Variants in SBNO1 observed in about 807,000 individuals in gnomAD.
The protein encoded by SBNO1 is protein strawberry notch homolog 1.
In SBNO1, 23 loss-of-function variants were observed where a neutral mutation model predicts 173.6. The ratio of observed to expected loss-of-function variants is 0.13; its 90% CI spans 0.10 to 0.19. The LOEUF (loss-of-function observed/expected upper bound fraction) is 0.19, where lower values mean the gene tolerates loss of function less well. Among genes scored for constraint, SBNO1 ranks in the 10% least tolerant of loss-of-function variants. The pLI, the probability that SBNO1 is intolerant of heterozygous loss-of-function variation, is 1.00. For missense variants in SBNO1, 1,238 were observed against 1,671.2 expected (o/e 0.74, Z 4.52); for synonymous variants, 632 against 571.5 (o/e 1.11, Z -1.51).
Position 123,364,813 on chromosome 12 carries a change from T to C in SBNO1, c.-113A>G, listed in dbSNP as rs1304781710. 2.0e-6 allele frequency: 2 copies of C among 978,150 alleles called. No individual in the cohort carries two copies. The highest frequency in any genetic ancestry group is 2.4e-6 in the Non-Finnish European group (2 of 823,338). The allele number at this position is 978,150 out of a possible 1,614,324, so 60.6% of individuals were successfully genotyped here. A position where few individuals can be genotyped will look rare whatever the true frequency, so the allele number is the denominator to read the frequency against. On this transcript the variant is annotated 5_prime_UTR_variant, in exon 1 of 32. Transcript: ENST00000602398. The stretch of plus-strand genomic sequence containing the variant: ...GGCGGCGGCAGCAGCGGCGTCCTGC[T>C]CTGCCTACCTCCCCGCCGCCATCTT...
intron 15 of SBNO1, among the ~76,000 whole-genome samples, chr12:123,324,309 A>C (rs1870345298): frequency 7.0e-6 from 1 of 143,884 alleles, no homozygotes; most frequent in Non-Finnish European, 1.5e-5. Context: ...TAGCAGGTGT[A>C]TGTCTTGCTT....
intron 30 of SBNO1, among the ~76,000 whole-genome samples, chr12:123,300,326 G>A (rs1265920932): frequency 6.6e-6 from 1 of 152,120 alleles, no homozygotes; most frequent in Non-Finnish European, 1.5e-5. Context: ...CTCCCAAAGT[G>A]CTAGGAGCCA....
At position 123,302,900 on chromosome 12, in the gene SBNO1, C is replaced by T; in HGVS notation, c.3769G>A (p.Val1257Ile). The T allele has an allele frequency of 1.2e-6, 2 of 1,610,142 alleles. No individual in the cohort carries two copies. The highest frequency in any genetic ancestry group is 1.7e-5 in the Admixed American group (1 of 59,922). Residue 1257 changes from valine to isoleucine, a missense_variant and splice_region_variant, in exon 30 of 32, where the codon GTC becomes ATC. By Grantham distance (29) the Val-to-Ile change is conservative. Transcript: ENST00000602398. ...TGCATCAGGGCATCATCTGAGACGA[C>T]CTGTAAAAATGAGAAGAATTTCATT... ...YADLKKKYKK[V>I]VSDDALMHWL...
At chr12:123,304,127 C>T (rs1211077537) in intron 29 of SBNO1, among the ~76,000 whole-genome samples, 2 of 151,968 alleles carry the variant, frequency 1.3e-5, no homozygotes, top group Admixed American at 6.6e-5. Context: ...GATGAGGTTT[C>T]GCCATATGGG....
At chr12:123,359,079 C>A (rs923354276) in intron 1 of SBNO1, among the ~76,000 whole-genome samples, 3 of 151,564 alleles carry the variant, frequency 2.0e-5, no homozygotes, top group Admixed American at 2.0e-4. Context: ...ATTATAGGCG[C>A]CCACCACCAT....
intron 1 of SBNO1, among the ~76,000 whole-genome samples, chr12:123,357,547 C>T (rs577000777): frequency 6.6e-6 from 1 of 151,842 alleles, no homozygotes; most frequent in South Asian, 2.1e-4. Flanking sequence ...TTGAGACCAT[C>T]CTGGCCAACA....
intron 4 of SBNO1, among the ~76,000 whole-genome samples, chr12:123,343,480 AAG>A: frequency 6.6e-6 from 1 of 152,204 alleles, no homozygotes; most frequent in Admixed American, 6.5e-5. Flanking sequence ...CTTCAGTAAA[AAG>A]AGGACCATCT....
intron 28 of SBNO1, 124 bp from the exon 29 acceptor site, chr12:123,304,843 T>C (rs1376200580): frequency 3.0e-6 from 2 of 669,678 alleles, no homozygotes; most frequent in Non-Finnish European, 5.0e-6. Context: ...ACACGGTAAC[T>C]TCAAAAAGGA....
At chr12:123,298,264 T>TA in intron 30 of SBNO1, 93 bp from the exon 31 acceptor site, 3 of 1,283,500 alleles carry the variant, frequency 2.3e-6, no homozygotes, top group Non-Finnish European at 3.2e-6. Flanking sequence ...AAATTTCTTT[T>TA]CTTTTCTTTT....
chr12:123,303,603 C>T (rs547469894), intron 29 of SBNO1, among the ~76,000 whole-genome samples: 1 of 152,042 alleles, frequency 6.6e-6, no homozygotes, highest in East Asian at 1.9e-4. Flanking sequence ...GAGCCAAGAT[C>T]GCGCCACTAC....
chr12:123,326,400 T>C, intron 13 of SBNO1, 66 bp from the exon 14 acceptor site: 1 of 1,054,230 alleles, frequency 9.5e-7, no homozygotes, highest in East Asian at 2.6e-5. Context: ...AAATACCAAT[T>C]AAATCAAAAC....
intron 1 of SBNO1, among the ~76,000 whole-genome samples, chr12:123,362,074 G>A (rs1477371994): frequency 4.6e-5 from 7 of 151,574 alleles, no homozygotes; most frequent in African/African-American, 1.7e-4. Flanking sequence ...AGGAGGCAGA[G>A]GAATGCAGTG....
intron 21 of SBNO1, among the ~76,000 whole-genome samples, chr12:123,315,993 T>C (rs1566030621): frequency 6.6e-6 from 1 of 152,176 alleles, no homozygotes. Context: ...TGGAAACACA[T>C]ATAGAAGTAG....
chr12:123,299,803 A>G (rs954745894), intron 30 of SBNO1, among the ~76,000 whole-genome samples: 5 of 152,178 alleles, frequency 3.3e-5, no homozygotes, highest in African/African-American at 7.2e-5. Context: ...CAGTGAGCCA[A>G]GATGGTGCCA....
intron 1 of SBNO1, chr12:123,363,812 T>G (rs1875703295): frequency 2.1e-6 from 2 of 971,006 alleles, no homozygotes. Context: ...CCGCAAACAT[T>G]AACCAAACAG....
chr12:123,336,748 G>A (rs1406501164), intron 5 of SBNO1, among the ~76,000 whole-genome samples: 3 of 152,096 alleles, frequency 2.0e-5, no homozygotes, highest in Admixed American at 6.6e-5. Flanking sequence ...GGCCACCATC[G>A]TGTCAAGCTA....
intron 24 of SBNO1, among the ~76,000 whole-genome samples, chr12:123,313,308 A>G (rs1312031250): frequency 1.3e-5 from 2 of 150,980 alleles, no homozygotes; most frequent in Admixed American, 6.6e-5. Context: ...ATAAATAAAT[A>G]ATTTTTAAAA....
At chr12:123,323,655 A>AT in intron 16 of SBNO1, 25 bp downstream of exon 16, 2 of 1,568,352 alleles carry the variant, frequency 1.3e-6, no homozygotes, top group East Asian at 2.3e-5. Flanking sequence ...CACCTGGCCT[A>AT]TTTTTTCTTT....
chr12:123,362,435 C>CAAAAA lies in SBNO1; in HGVS notation c.-1+2261_-1+2265dup, dbSNP rs56019572. Reference sequence around the variant, plus strand: ...TGGGCCACTGAGCGAGACTCCGTCTCAAAAAAAAAAAAAAAAAAAAAAAAA... The same window carrying CAAAAA: ...TGGGCCACTGAGCGAGACTCCGTCTCAAAAAAAAAAAAAAAAAAAAAAAAAAAAAA... On this transcript the variant is annotated intron_variant, in intron 1 of 31. Transcript: ENST00000602398. Among the ~76,000 whole-genome samples the CAAAAA allele has an allele frequency of 1.2e-4, 6 of 49,738 alleles. 1 individual carries two copies. Among genetic ancestry groups the CAAAAA allele is most frequent in the East Asian group, 1.8e-3 (2 of 1,110 alleles). The allele number at this position is 49,738 out of a possible 152,430, so 32.6% of individuals were successfully genotyped here. A position where few individuals can be genotyped will look rare whatever the true frequency, so the allele number is the denominator to read the frequency against.
Sources: gnomAD v4.1 joint callset for allele counts (sites outside exome capture counted in the v4.1 genomes callset) on GRCh38, gnomAD v4.1.1 for gene constraint, MANE v1.5 for transcripts, NCBI Gene and HGNC (gene_info 2026-07-23, HGNC 2026-07-21) for gene names.